The following JAKMIP2 variants were observed in gnomAD, a reference collection of about 807,000 sequenced individuals.
The protein encoded by JAKMIP2 is janus kinase and microtubule interacting protein 2.
Under a neutral mutation model 115.0 loss-of-function variants are expected in JAKMIP2, and 25 were observed. That is an observed-to-expected ratio of 0.22 (90% CI 0.16 to 0.30). The LOEUF is 0.30. Ranked by LOEUF, JAKMIP2 falls within the 10% of genes least tolerant of loss-of-function variation. The pLI is 1.00. For synonymous variants in JAKMIP2, 334 were observed against 343.6 expected (o/e 0.97, Z 0.31); for missense variants, 642 against 957.6 (o/e 0.67, Z 4.35).
intron 7 of JAKMIP2, among the ~76,000 whole-genome samples, chr5:147,643,736 G>A (rs1490191113): frequency 6.6e-6 from 1 of 152,138 alleles, no homozygotes; most frequent in African/African-American, 2.4e-5. Flanking sequence ...TGAGCCTCGG[G>A]ATCCTGCTAC....
At chr5:147,757,367 G>A (rs528750479) in intron 1 of JAKMIP2, among the ~76,000 whole-genome samples, 232 of 152,152 alleles carry the variant, frequency 1.5e-3, no homozygotes, top group Middle Eastern at 3.4e-3. Context: ...TGTGGCATTA[G>A]GGAAACTCTT....
At chr5:147,600,456 C>T (rs2126580422) in intron 21 of JAKMIP2, among the ~76,000 whole-genome samples, 1 of 152,212 alleles carries the variant, frequency 6.6e-6, no homozygotes, top group South Asian at 2.1e-4. Flanking sequence ...GGAGAAAGTG[C>T]CTCTCTTCTG....
At chr5:147,602,329 ATACTTAAT>A (rs1755739950) in intron 20 of JAKMIP2, among the ~76,000 whole-genome samples, 1 of 152,222 alleles carries the variant, frequency 6.6e-6, no homozygotes, top group African/African-American at 2.4e-5. Context: ...GGCTAAATAT[ATACTTAAT>A]TACTCACAGT....
At chr5:147,667,950 G>A (rs1026887227) in intron 2 of JAKMIP2, among the ~76,000 whole-genome samples, 2 of 152,180 alleles carry the variant, frequency 1.3e-5, no homozygotes, top group African/African-American at 4.8e-5. Flanking sequence ...ACAGAAGACA[G>A]GAATTCCCAT....
intron 5 of JAKMIP2, 54 bp from the exon 6 acceptor site, chr5:147,645,050 G>C: frequency 6.3e-7 from 1 of 1,576,874 alleles, no homozygotes. Flanking sequence ...CGTGGGGGCA[G>C]GGGAGTAAAG....
intron 2 of JAKMIP2, among the ~76,000 whole-genome samples, chr5:147,665,944 T>A (rs1320237867): frequency 6.6e-6 from 1 of 152,104 alleles, no homozygotes; most frequent in Non-Finnish European, 1.5e-5. Context: ...AAATTATTTT[T>A]AAAAAAGTAA....
intron 1 of JAKMIP2, among the ~76,000 whole-genome samples, chr5:147,761,798 A>T (rs1298443540): frequency 2.6e-5 from 4 of 152,134 alleles, no homozygotes; most frequent in Admixed American, 1.3e-4. Context: ...ATAAAAATGG[A>T]ACTTTTAGTC....
intron 1 of JAKMIP2, among the ~76,000 whole-genome samples, chr5:147,682,050 A>G (rs201060115): frequency 4.7e-5 from 7 of 148,936 alleles, no homozygotes; most frequent in East Asian, 2.0e-4. Context: ...AAAAAAAAAA[A>G]AAAGAAAGAA....
At chr5:147,676,109 G>C (rs1043409151) in intron 1 of JAKMIP2, among the ~76,000 whole-genome samples, 2 of 152,200 alleles carry the variant, frequency 1.3e-5, no homozygotes, top group East Asian at 3.9e-4. Flanking sequence ...CGAGGTGGGC[G>C]GATCACGAGG....
chr5:147,710,382 A>G (rs1752732312), intron 1 of JAKMIP2, among the ~76,000 whole-genome samples: 1 of 152,220 alleles, frequency 6.6e-6, no homozygotes, highest in Non-Finnish European at 1.5e-5. Flanking sequence ...AAGAAAGTTA[A>G]AAAGACTAAA....
At chr5:147,653,933 A>C (rs1758537525) in intron 3 of JAKMIP2, among the ~76,000 whole-genome samples, 1 of 152,200 alleles carries the variant, frequency 6.6e-6, no homozygotes, top group Non-Finnish European at 1.5e-5. Flanking sequence ...GCATATGCCT[A>C]GCCAGTTTTC....
chr5:147,596,346 T>C (rs1442151076), intron 21 of JAKMIP2, among the ~76,000 whole-genome samples: 2 of 152,152 alleles, frequency 1.3e-5, no homozygotes, highest in African/African-American at 4.8e-5. Flanking sequence ...GTTATAAGAA[T>C]GTCTATAGTG....
intron 1 of JAKMIP2, among the ~76,000 whole-genome samples, chr5:147,702,689 A>AAAGAAAGAGAGAGAAAG (rs1561547858): frequency 7.2e-6 from 1 of 139,790 alleles, no homozygotes; most frequent in Admixed American, 6.9e-5. Context: ...AGAAAGAAAG[A>AAAGAAAGAGAGAGAAAG]AAAGAAAAGA....
At chr5:147,604,346 A>G (rs934891188) in intron 20 of JAKMIP2, among the ~76,000 whole-genome samples, 1 of 152,196 alleles carries the variant, frequency 6.6e-6, no homozygotes, top group East Asian at 1.9e-4. Context: ...CCTTTTTCAC[A>G]TAAGTGACCT....
At chr5:147,777,137 A>G (rs1450271047) in intron 1 of JAKMIP2, among the ~76,000 whole-genome samples, 1 of 152,174 alleles carries the variant, frequency 6.6e-6, no homozygotes, top group African/African-American at 2.4e-5. Context: ...TTATCAGCAG[A>G]CAAAGAATGA....
chr5:147,747,885 C>T (rs1754402213), intron 1 of JAKMIP2, among the ~76,000 whole-genome samples: 2 of 152,146 alleles, frequency 1.3e-5, no homozygotes, highest in African/African-American at 4.8e-5. Context: ...AATGTGTAAA[C>T]ACAAAAATCC....
At chr5:147,679,481 A>G (rs562235723) in intron 1 of JAKMIP2, among the ~76,000 whole-genome samples, 59 of 152,218 alleles carry the variant, frequency 3.9e-4, no homozygotes, top group Admixed American at 1.2e-3. Context: ...CAAAAAGAAA[A>G]CTAATTCTAG....
intron 3 of JAKMIP2, among the ~76,000 whole-genome samples, chr5:147,652,651 T>G (rs935381123): frequency 1.3e-5 from 2 of 152,188 alleles, no homozygotes; most frequent in African/African-American, 2.4e-5. Context: ...GTTCATGCAG[T>G]TTGTGAACTA....
chr5:147,707,057 T>A (rs1313640535), intron 1 of JAKMIP2, among the ~76,000 whole-genome samples: 1 of 152,184 alleles, frequency 6.6e-6, no homozygotes, highest in African/African-American at 2.4e-5. Context: ...ATACAGGCAG[T>A]TAAACAGGCA....
Sources: gnomAD v4.1 joint callset for allele counts (sites outside exome capture counted in the v4.1 genomes callset) on GRCh38, gnomAD v4.1.1 for gene constraint, MANE v1.5 for transcripts, NCBI Gene and HGNC (gene_info 2026-07-23, HGNC 2026-07-21) for gene names.